Variants in HMGA2 observed in about 807,000 individuals in gnomAD.
HMGA2 encodes the protein high mobility group protein HMGI-C.
Under a neutral mutation model 19.1 loss-of-function variants are expected in HMGA2, and 8 were observed. The observed-to-expected ratio is 0.42, with a 90% CI of 0.25 to 0.76. HMGA2 has a LOEUF of 0.76. Among genes scored for constraint, HMGA2 ranks in the 30% least tolerant of loss-of-function variants. The pLI is 0.28. For synonymous variants in HMGA2, 60 were observed against 48.8 expected (o/e 1.23, Z -0.96); for missense variants, 109 against 136.3 (o/e 0.80, Z 1.00).
chr12:65,851,803 C>T (rs1399166917), intron 3 of HMGA2, among the ~76,000 whole-genome samples: 5 of 152,192 alleles, frequency 3.3e-5, no homozygotes, highest in Non-Finnish European at 5.9e-5. Context: ...CTGAATGAGA[C>T]TTCAAATGAT....
At chr12:65,926,497 T>C (rs930926254) in intron 3 of HMGA2, among the ~76,000 whole-genome samples, 1 of 152,238 alleles carries the variant, frequency 6.6e-6, no homozygotes, top group African/African-American at 2.4e-5. Context: ...CTTAAAGTGA[T>C]AGTAGCAAGT....
chr12:65,886,438 C>A (rs1873659765), intron 3 of HMGA2, among the ~76,000 whole-genome samples: 1 of 151,380 alleles, frequency 6.6e-6, no homozygotes, highest in Non-Finnish European at 1.5e-5. Flanking sequence ...CTGCTCACTG[C>A]AACCTCTACC....
chr12:65,916,160 G>T (rs1210132888), intron 3 of HMGA2, among the ~76,000 whole-genome samples: 1 of 152,146 alleles, frequency 6.6e-6, no homozygotes, highest in Non-Finnish European at 1.5e-5. Flanking sequence ...CATTTTCCAG[G>T]GCTCAACCAA....
chr12:65,927,831 CTG>C (rs143707177), intron 3 of HMGA2, among the ~76,000 whole-genome samples: 292 of 145,096 alleles, frequency 2.0e-3, no homozygotes, highest in Non-Finnish European at 3.2e-3. Flanking sequence ...CTCTTTGTAT[CTG>C]TGTGTGTGTG....
intron 3 of HMGA2, among the ~76,000 whole-genome samples, chr12:65,847,249 T>C (rs1871269006): frequency 6.6e-6 from 1 of 152,102 alleles, no homozygotes; most frequent in Non-Finnish European, 1.5e-5. Context: ...CTAGTTAGTA[T>C]TGGGTTAAAA....
At chr12:65,961,440 T>TAA (rs1876746942) in intron 4 of HMGA2, among the ~76,000 whole-genome samples, 1 of 152,168 alleles carries the variant, frequency 6.6e-6, no homozygotes, top group Non-Finnish European at 1.5e-5. Flanking sequence ...TCAAGAGGTA[T>TAA]AAACCTGCTG....
chr12:65,934,055 C>T (rs991096394), intron 3 of HMGA2, among the ~76,000 whole-genome samples: 7 of 152,184 alleles, frequency 4.6e-5, no homozygotes, highest in African/African-American at 1.7e-4. Flanking sequence ...AAAAAGTTTA[C>T]ATGTGTTTGT....
chr12:65,876,740 T>C (rs1011052006), intron 3 of HMGA2: 3 of 152,186 alleles, frequency 2.0e-5, no homozygotes, highest in Non-Finnish European at 2.9e-5. Context: ...AAATTAAGGT[T>C]TTGAGTAGAG....
intron 3 of HMGA2, among the ~76,000 whole-genome samples, chr12:65,950,745 T>A (rs1241130861): frequency 6.6e-6 from 1 of 152,160 alleles, no homozygotes; most frequent in Non-Finnish European, 1.5e-5. Context: ...AAAAATAAAA[T>A]ATTAACAAAT....
Position 65,881,557 on chromosome 12 carries a change from T to C in HMGA2, c.249+42988T>C, listed in dbSNP as rs908172689. 7 of 592,580 alleles carry C rather than the reference T, an allele frequency of 1.2e-5. No homozygotes were observed. The African/African-American group carries it at 1.3e-4, about 11-fold the overall frequency. The allele number at this position is 592,580 out of a possible 1,614,324, so 36.7% of individuals were successfully genotyped here. On this transcript the variant is annotated intron_variant, in intron 3 of 4. Transcript: ENST00000403681. Reference sequence around the variant, plus strand: ...ACAAATCCTCCTGTGTGCTACCAAGTAATGGAAAGATCCAGTTATGACTGG... The same window carrying C: ...ACAAATCCTCCTGTGTGCTACCAAGCAATGGAAAGATCCAGTTATGACTGG...
chr12:65,853,107 C>T (rs368952563), intron 3 of HMGA2, among the ~76,000 whole-genome samples: 4 of 152,076 alleles, frequency 2.6e-5, no homozygotes, highest in South Asian at 2.1e-4. Flanking sequence ...TGCCGACTGA[C>T]GTGTGGGGAA....
chr12:65,930,944 G>C (rs1875686358), intron 3 of HMGA2, among the ~76,000 whole-genome samples: 1 of 152,018 alleles, frequency 6.6e-6, no homozygotes, highest in South Asian at 2.1e-4. Context: ...AATTCACTAA[G>C]ACAGGAAAAA....
intron 3 of HMGA2, among the ~76,000 whole-genome samples, chr12:65,936,212 ATT>A (rs5798799): frequency 1.5e-4 from 21 of 144,562 alleles, no homozygotes; most frequent in African/African-American, 2.8e-4. Flanking sequence ...TGTTCCATTC[ATT>A]TTTTTTTTTT....
chr12:65,903,632 T>G (rs1463377404), intron 3 of HMGA2, among the ~76,000 whole-genome samples: 1 of 152,136 alleles, frequency 6.6e-6, no homozygotes, highest in Non-Finnish European at 1.5e-5. Context: ...AGTGAGTATT[T>G]TTTTTTAGGT....
chr12:65,884,978 TTTAA>T (rs1392998238), intron 3 of HMGA2, among the ~76,000 whole-genome samples: 1 of 152,192 alleles, frequency 6.6e-6, no homozygotes, highest in African/African-American at 2.4e-5. Flanking sequence ...TTGATTCTAT[TTTAA>T]TTGATATTCT....
chr12:65,866,190 G>C (rs987166820), intron 3 of HMGA2, among the ~76,000 whole-genome samples: 2 of 152,184 alleles, frequency 1.3e-5, no homozygotes, highest in East Asian at 3.9e-4. Context: ...GCTAATGCTA[G>C]GCACTGTGCT....
At chr12:65,855,454 T>C (rs1225249147) in intron 3 of HMGA2, among the ~76,000 whole-genome samples, 1 of 100,514 alleles carries the variant, frequency 9.9e-6, no homozygotes, top group East Asian at 3.0e-4. Context: ...TCTCTCTCTC[T>C]CTCTCACACA....
intron 3 of HMGA2, among the ~76,000 whole-genome samples, chr12:65,924,536 G>A (rs1220075153): frequency 6.6e-6 from 1 of 152,124 alleles, no homozygotes; most frequent in Non-Finnish European, 1.5e-5. Flanking sequence ...AGTGGCTCAC[G>A]CCTGTAATCC....
rs1870930077 is a variant in HMGA2 at position 65,840,082 on chromosome 12, A to C, written c.249+1513A>C. Among the ~76,000 whole-genome samples the C allele has an allele frequency of 3.9e-5, 6 of 152,128 alleles. No homozygotes were observed. In the South Asian group the frequency reaches 1.2e-3, roughly 32 times the overall value. On this transcript the variant is annotated intron_variant, in intron 3 of 4. Coordinates refer to ENST00000403681, the MANE Select transcript of HMGA2 (RefSeq NM_003483.6). ...ACATTCTTGTTATTCTTTTCTGAAC[A>C]TGTTTGTTCGTTAATCTTTTGAAAG...
Sources: allele counts gnomAD v4.1 joint callset (sites outside exome capture counted in the v4.1 genomes callset), GRCh38; gene constraint gnomAD v4.1.1; transcripts MANE v1.5; gene names NCBI Gene and HGNC (gene_info 2026-07-23, HGNC 2026-07-21).